Variants in MSI2 observed in about 807,000 individuals in gnomAD.
MSI2 encodes musashi RNA binding protein 2.
In MSI2, 17 loss-of-function variants were observed where a neutral mutation model predicts 45.6. That is an observed-to-expected ratio of 0.37 (90% CI 0.26 to 0.56). The LOEUF is 0.56. MSI2 is among the 20% of genes least tolerant of loss of function. The probability of loss-of-function intolerance (pLI) is 0.77; values close to 1 mark genes in which losing one functional copy is unlikely to be tolerated. For synonymous variants in MSI2, 156 were observed against 158.2 expected (o/e 0.99, Z 0.11); for missense variants, 293 against 444.2 (o/e 0.66, Z 3.06).
At chr17:57,573,012 A>C (rs1159492777) in intron 7 of MSI2, among the ~76,000 whole-genome samples, 1 of 152,232 alleles carries the variant, frequency 6.6e-6, no homozygotes, top group East Asian at 1.9e-4. Flanking sequence ...CCACATGGGC[A>C]CAGTGACCTG....
chr17:57,554,581 G>A (rs571661567), intron 7 of MSI2, among the ~76,000 whole-genome samples: 4 of 152,360 alleles, frequency 2.6e-5, no homozygotes, highest in African/African-American at 7.2e-5. Flanking sequence ...CCTTCTATCC[G>A]GGATGATGTT....
At chr17:57,641,635 A>G (rs1198528342) in intron 10 of MSI2, among the ~76,000 whole-genome samples, 1 of 152,218 alleles carries the variant, frequency 6.6e-6, no homozygotes, top group Non-Finnish European at 1.5e-5. Context: ...GTGGTAGATG[A>G]GAGAGTGGCT....
chr17:57,413,548 C>T (rs1328168624), intron 6 of MSI2, among the ~76,000 whole-genome samples: 3 of 151,966 alleles, frequency 2.0e-5, no homozygotes, highest in African/African-American at 7.3e-5. Context: ...GAAATTGTCC[C>T]AGTATCATTT....
intron 7 of MSI2, among the ~76,000 whole-genome samples, chr17:57,574,551 C>T (rs1465503061): frequency 6.6e-6 from 1 of 152,138 alleles, no homozygotes; most frequent in East Asian, 1.9e-4. Flanking sequence ...CCTCTGGTGG[C>T]CACCCCCAGT....
chr17:57,644,759 A>G (rs1910525395), intron 10 of MSI2, among the ~76,000 whole-genome samples: 1 of 152,186 alleles, frequency 6.6e-6, no homozygotes, highest in South Asian at 2.1e-4. Flanking sequence ...AAATTGTTTC[A>G]TAATGGACCA....
chr17:57,402,586 G>A (rs1417560612), intron 6 of MSI2, among the ~76,000 whole-genome samples: 3 of 152,236 alleles, frequency 2.0e-5, no homozygotes, highest in African/African-American at 7.2e-5. Context: ...TGCCCAGGGT[G>A]ATAGGCAGCT....
At chr17:57,486,569 T>C (rs1038609710) in intron 6 of MSI2, among the ~76,000 whole-genome samples, 2 of 152,204 alleles carry the variant, frequency 1.3e-5, no homozygotes, top group South Asian at 2.1e-4. Flanking sequence ...TATTACCCAC[T>C]TTGTCAAACT....
intron 7 of MSI2, among the ~76,000 whole-genome samples, chr17:57,538,468 G>A (rs537162490): frequency 1.1e-4 from 16 of 152,264 alleles, no homozygotes; most frequent in South Asian, 1.0e-3. Context: ...TCCCTTGGGC[G>A]TGATCTCAGG....
At chr17:57,700,426 G>C in the MSI2 span, among the ~76,000 whole-genome samples, 9 of 152,188 alleles carry the variant, frequency 5.9e-5, no homozygotes, top group Non-Finnish European at 8.8e-5. Flanking sequence ...ACTTGATATT[G>C]AAGAAGCATA....
At chr17:57,575,086 T>C (rs1340078044) in intron 7 of MSI2, among the ~76,000 whole-genome samples, 2 of 151,046 alleles carry the variant, frequency 1.3e-5, no homozygotes, top group Non-Finnish European at 1.5e-5. Flanking sequence ...CACCTTGGCC[T>C]CCCAAAGTGC....
At chr17:57,451,923 A>G (rs2143555547) in intron 6 of MSI2, among the ~76,000 whole-genome samples, 1 of 152,268 alleles carries the variant, frequency 6.6e-6, no homozygotes, top group African/African-American at 2.4e-5. Context: ...CCGGTTCCAA[A>G]ATGAAGCCTT....
At chr17:57,538,400 T>C (rs892148382) in intron 7 of MSI2, among the ~76,000 whole-genome samples, 2 of 152,202 alleles carry the variant, frequency 1.3e-5, no homozygotes, top group African/African-American at 4.8e-5. Flanking sequence ...ATCAGCATGG[T>C]ATGCTGCAAA....
chr17:57,294,343 G>A (rs894573801), intron 5 of MSI2, among the ~76,000 whole-genome samples: 12 of 152,168 alleles, frequency 7.9e-5, no homozygotes, highest in African/African-American at 2.9e-4. Context: ...GGCAGGTGCA[G>A]GGGCAGGCAT....
rs558179147 is a variant in MSI2, at chr17:57,677,139, G to A, written c.*31+80G>A. 6.9e-4 allele frequency: 673 copies of A among 973,846 alleles called. 8 individuals carry two copies. Among genetic ancestry groups the A allele is most frequent in the South Asian group, 6.8e-3 (518 of 76,616 alleles). The allele number at this position is 973,846 out of a possible 1,614,324, so 60.3% of individuals were successfully genotyped here. A position where few individuals can be genotyped will look rare whatever the true frequency, so the allele number is the denominator to read the frequency against. On this transcript the variant is annotated intron_variant, in intron 13 of 13. Transcript: ENST00000284073. ...GTCCACAGGTCATACATGCACGTGC[G>A]TGCCCCTGTCTCATCACATCCACAT...
chr17:57,406,222 C>G (rs954903153), intron 6 of MSI2, among the ~76,000 whole-genome samples: 1 of 152,146 alleles, frequency 6.6e-6, no homozygotes, highest in Non-Finnish European at 1.5e-5. Flanking sequence ...AAATGATGCT[C>G]CAGATATGCC....
chr17:57,310,570 G>A (rs1198919559), intron 5 of MSI2, among the ~76,000 whole-genome samples: 1 of 152,160 alleles, frequency 6.6e-6, no homozygotes, highest in African/African-American at 2.4e-5. Context: ...CTGACTTCAA[G>A]TGATCCACCC....
intron 6 of MSI2, among the ~76,000 whole-genome samples, chr17:57,517,803 T>C (rs1003896121): frequency 1.3e-5 from 2 of 152,080 alleles, no homozygotes; most frequent in Non-Finnish European, 2.9e-5. Flanking sequence ...TCCTCTGTTG[T>C]GGCCAAGAAA....
rs557188333 is a variant in MSI2 at position 57,314,916 on chromosome 17, G to A, written c.312+52724G>A. On this transcript the variant is annotated intron_variant, in intron 5 of 13. Coordinates refer to ENST00000284073, the MANE Select transcript of MSI2 (RefSeq NM_138962.4). The stretch of plus-strand genomic sequence containing the variant: ...GCCCCAAGTAAATCATGTGCACAGT[G>A]AAGTTTGAGAAACATGAGTCCAGAG... Among the ~76,000 whole-genome samples the A allele has an allele frequency of 2.8e-4, 43 of 152,272 alleles. 1 individual carries two copies. In the Middle Eastern group the frequency reaches 0.014, roughly 48 times the overall value.
intron 7 of MSI2, among the ~76,000 whole-genome samples, chr17:57,572,981 C>T (rs1241624592): frequency 1.3e-5 from 2 of 152,168 alleles, no homozygotes; most frequent in Admixed American, 6.5e-5. Context: ...TGGACGTGCC[C>T]GACAACTCCG....
Sources: allele counts gnomAD v4.1 joint callset (sites outside exome capture counted in the v4.1 genomes callset), GRCh38; gene constraint gnomAD v4.1.1; transcripts MANE v1.5; gene names NCBI Gene and HGNC (gene_info 2026-07-23, HGNC 2026-07-21).